Variants in CNTN4 observed in about 807,000 individuals in gnomAD.
CNTN4 encodes contactin 4.
CNTN4 carries 77 observed loss-of-function variants against 122.5 expected under a neutral mutation model. The observed-to-expected ratio is 0.63, with a 90% CI of 0.52 to 0.76. The LOEUF is 0.76. CNTN4 is among the 30% of genes least tolerant of loss of function. The probability of loss-of-function intolerance (pLI) is 0.00; values close to 1 mark genes in which losing one functional copy is unlikely to be tolerated. For synonymous variants in CNTN4, 512 were observed against 447.0 expected, an observed-to-expected ratio of 1.15 and a Z score of -1.83; for missense variants, 1,256 against 1,259.1, an observed-to-expected ratio of 1.00 and a Z score of 0.04.
chr3:2,812,274 G>C (rs936338834), intron 6 of CNTN4, among the ~76,000 whole-genome samples: 1 of 152,066 alleles, frequency 6.6e-6, no homozygotes, highest in Non-Finnish European at 1.5e-5. Context: ...AAACTTAAAA[G>C]TTTTAAAAAG....
chr3:2,572,749 G>C (rs2079480906), intron 4 of CNTN4, among the ~76,000 whole-genome samples: 1 of 152,092 alleles, frequency 6.6e-6, no homozygotes, highest in Non-Finnish European at 1.5e-5. Flanking sequence ...CCCTGTACTG[G>C]GATCTGGGAA....
At chr3:2,398,710 T>A (rs1239556400) in intron 3 of CNTN4, among the ~76,000 whole-genome samples, 2 of 152,176 alleles carry the variant, frequency 1.3e-5, no homozygotes, top group Non-Finnish European at 2.9e-5. Flanking sequence ...ATCACATTTC[T>A]GGCCCATCAT....
chr3:2,859,842 A>G (rs2093654630), intron 7 of CNTN4, among the ~76,000 whole-genome samples: 1 of 152,138 alleles, frequency 6.6e-6, no homozygotes, highest in African/African-American at 2.4e-5. Flanking sequence ...TCCACCCACA[A>G]TTTCTTAAAG....
intron 16 of CNTN4, among the ~76,000 whole-genome samples, 186 bp from the exon 17 acceptor site, chr3:3,034,446 C>T (rs1437484837): frequency 3.9e-5 from 6 of 152,148 alleles, no homozygotes. Context: ...GTTTCATTCA[C>T]CTCTGTGGTT....
chr3:3,024,968 T>G (rs1473241653), intron 14 of CNTN4, among the ~76,000 whole-genome samples: 1 of 152,220 alleles, frequency 6.6e-6, no homozygotes, highest in Non-Finnish European at 1.5e-5. Context: ...TTGGTTTGTC[T>G]TCTTTGTAAT....
intron 6 of CNTN4, among the ~76,000 whole-genome samples, chr3:2,811,891 C>T (rs1030892754): frequency 6.6e-6 from 1 of 152,126 alleles, no homozygotes; most frequent in Non-Finnish European, 1.5e-5. Flanking sequence ...GTCTCGAACT[C>T]CTGACCTCAA....
chr3:2,726,019 G>T (rs1233219397), intron 4 of CNTN4, among the ~76,000 whole-genome samples: 1 of 152,154 alleles, frequency 6.6e-6, no homozygotes, highest in African/African-American at 2.4e-5. Context: ...GAGAATCTTA[G>T]GGATAAAGCT....
intron 2 of CNTN4, among the ~76,000 whole-genome samples, chr3:2,157,085 C>T (rs1264017636): frequency 1.3e-5 from 2 of 151,982 alleles, no homozygotes; most frequent in African/African-American, 4.8e-5. Flanking sequence ...GTCATTGAGT[C>T]AAATGTATCT....
At chr3:2,668,546 A>G (rs2084308695) in intron 4 of CNTN4, among the ~76,000 whole-genome samples, 1 of 152,178 alleles carries the variant, frequency 6.6e-6, no homozygotes, top group Admixed American at 6.5e-5. Context: ...AAACAGGGAC[A>G]ATTTGACTTC....
chr3:2,720,731 G>A (rs1257311028), intron 4 of CNTN4, among the ~76,000 whole-genome samples: 1 of 152,140 alleles, frequency 6.6e-6, no homozygotes, highest in Non-Finnish European at 1.5e-5. Flanking sequence ...AGAATTTAAA[G>A]ACATTTTGTG....
intron 23 of CNTN4, 131 bp from the exon 24 acceptor site, chr3:3,053,670 CCAAATG>C: frequency 1.2e-6 from 1 of 809,506 alleles, no homozygotes; most frequent in Non-Finnish European, 2.1e-6. Flanking sequence ...AATGAGCCTT[CCAAATG>C]CAAGTGGGCA....
intron 7 of CNTN4, 56 bp downstream of exon 7, chr3:2,819,637 C>A: frequency 1.6e-6 from 2 of 1,256,754 alleles, no homozygotes; most frequent in Non-Finnish European, 2.3e-6. Context: ...TTTTCTTCCT[C>A]AATGTTCTCC....
intron 4 of CNTN4, among the ~76,000 whole-genome samples, chr3:2,707,060 G>A (rs1279456649): frequency 6.6e-6 from 1 of 151,996 alleles, no homozygotes; most frequent in African/African-American, 2.4e-5. Flanking sequence ...AGCACTTTAG[G>A]AGGCCGAGGC....
intron 4 of CNTN4, among the ~76,000 whole-genome samples, chr3:2,638,287 C>T (rs1205563999): frequency 6.6e-6 from 1 of 152,148 alleles, no homozygotes; most frequent in African/African-American, 2.4e-5. Context: ...TTTCCAGCCT[C>T]ACCTTCAAAC....
At chr3:2,311,242 A>G (rs1295842513) in intron 2 of CNTN4, among the ~76,000 whole-genome samples, 1 of 152,118 alleles carries the variant, frequency 6.6e-6, no homozygotes, top group Middle Eastern at 3.2e-3. Flanking sequence ...TTCAGAAAGT[A>G]AAGCATTGCA....
chr3:2,292,849 T>C (rs1394832806), intron 2 of CNTN4, among the ~76,000 whole-genome samples: 1 of 152,236 alleles, frequency 6.6e-6, no homozygotes, highest in Non-Finnish European at 1.5e-5. Flanking sequence ...GGGACTACTA[T>C]AAATAAAACA....
chr3:2,902,054 C>T (rs1417946535), intron 11 of CNTN4, among the ~76,000 whole-genome samples: 2 of 152,076 alleles, frequency 1.3e-5, no homozygotes, highest in Non-Finnish European at 2.9e-5. Context: ...GGGCTTGTTT[C>T]TTAATGTGAG....
In CNTN4 at chr3:2,242,303, C is replaced by T. The variant is rs112525429; in HGVS notation, c.-144-96875C>T. ...TCATAGAATGTACTATATGCATTCA[C>T]GTGTTTCATCTGATTTGGTCCACAT... is the stretch of plus-strand genomic sequence containing the variant. On this transcript the variant is annotated intron_variant, in intron 2 of 24. Transcript: ENST00000418658. 2.6e-3 allele frequency among the ~76,000 whole-genome samples: 389 copies of T among 152,106 alleles called. 2 individuals carry two copies. The highest frequency in any genetic ancestry group is 0.017 in the Middle Eastern group (5 of 294).
At chr3:3,009,582 C>CA (rs1559784169) in intron 14 of CNTN4, among the ~76,000 whole-genome samples, 1 of 89,324 alleles carries the variant, frequency 1.1e-5, no homozygotes, top group Non-Finnish European at 2.6e-5. Context: ...TACAGGCGCC[C>CA]GCCACCACGC....
Sources: allele counts gnomAD v4.1 joint callset (sites outside exome capture counted in the v4.1 genomes callset), GRCh38; gene constraint gnomAD v4.1.1; transcripts MANE v1.5; gene names NCBI Gene and HGNC (gene_info 2026-07-23, HGNC 2026-07-21).